Variants in ZC2HC1B observed in about 807,000 individuals in gnomAD.
ZC2HC1B encodes zinc finger C2HC-type containing 1B, also known as zinc finger C2HC domain-containing protein 1B.
A neutral mutation model predicts 31.0 loss-of-function variants in ZC2HC1B; 36 were observed. The observed-to-expected ratio is 1.16, with a 90% confidence interval of 0.89 to 1.54. ZC2HC1B has a LOEUF of 1.54. ZC2HC1B is among the 40% of genes most tolerant of loss of function. ZC2HC1B has a pLI of 0.00. For missense variants in ZC2HC1B, 260 were observed against 268.6 expected, an observed-to-expected ratio of 0.97 and a Z score of 0.22; for synonymous variants, 73 against 88.0, an observed-to-expected ratio of 0.83 and a Z score of 0.95.
intron 6 of ZC2HC1B, among the ~76,000 whole-genome samples, chr6:143,920,448 C>T (rs1777973890): frequency 6.6e-6 from 1 of 152,132 alleles, no homozygotes; most frequent in Admixed American, 6.5e-5. Context: ...AGTCCTGTGT[C>T]CTAGTATGTG....
At chr6:143,916,523 G>C (rs1443608659) in intron 6 of ZC2HC1B, among the ~76,000 whole-genome samples, 1 of 152,216 alleles carries the variant, frequency 6.6e-6, no homozygotes, top group Non-Finnish European at 1.5e-5. Flanking sequence ...AGTGTGCACT[G>C]TGCACCTGGA....
intron 1 of ZC2HC1B, among the ~76,000 whole-genome samples, chr6:143,874,334 C>T (rs1178899362): frequency 6.6e-6 from 1 of 152,208 alleles, no homozygotes; most frequent in African/African-American, 2.4e-5. Context: ...AGCTTTCCCA[C>T]ATTTTCCTGT....
Position 143,934,237 on chromosome 6 carries a change from T to G in ZC2HC1B, c.599-3412T>G, listed in dbSNP as rs1239236429. Among the ~76,000 whole-genome samples the G allele has an allele frequency of 6.6e-6, 1 of 152,220 alleles. No individual in the cohort carries two copies. The highest frequency in any genetic ancestry group is 1.5e-5 in the Non-Finnish European group (1 of 68,034). Reference sequence around the variant, plus strand: ...TGCAGAATTTGCAATAGCCTGCCACTTCTTTCAAAGGATCTGTGATTTCTT... The same window carrying G: ...TGCAGAATTTGCAATAGCCTGCCACGTCTTTCAAAGGATCTGTGATTTCTT... On this transcript the variant is annotated intron_variant, in intron 6 of 7. Coordinates refer to ENST00000237275, the MANE Select transcript of ZC2HC1B (RefSeq NM_001013623.3). The surrounding 1 kb of genome is among the most constrained non-coding windows in gnomAD (Gnocchi z 4.6).
chr6:143,886,947 G>A lies in ZC2HC1B; in HGVS notation c.349+126G>A. 2.0e-6 allele frequency: 2 copies of A among 1,002,300 alleles called. No homozygotes were observed. Among genetic ancestry groups the A allele is most frequent in the Non-Finnish European group, 2.7e-6 (2 of 740,162 alleles). 62.1% of individuals were successfully genotyped at this position (1,002,300 alleles called of 1,614,324 possible). On this transcript the variant is annotated intron_variant, in intron 4 of 7. Coordinates refer to ENST00000237275, the MANE Select transcript of ZC2HC1B (RefSeq NM_001013623.3). This position sits in a 1 kb window ranked among gnomAD's most constrained non-coding sequence, Gnocchi z 4.2. Reference sequence around the variant, plus strand: ...AAGTAATTTTATTAATTATATAAAAGTAAACATCCTATTTTTTTCAATTCT... The same window carrying A: ...AAGTAATTTTATTAATTATATAAAAATAAACATCCTATTTTTTTCAATTCT...
chr6:143,905,370 A>G lies in ZC2HC1B; in HGVS notation c.598+2218A>G, dbSNP rs1435766189. On this transcript the variant is annotated intron_variant, in intron 6 of 7. Coordinates refer to ENST00000237275, the MANE Select transcript of ZC2HC1B (RefSeq NM_001013623.3). The surrounding 1 kb of genome is among the most constrained non-coding windows in gnomAD (Gnocchi z 4.2). ...TAATTTTTTTTGATTGTTCATTGTC[A>G]GTATATAGAAACACAACTAATTTTC... Among the ~76,000 whole-genome samples, 1 of 152,120 alleles carries G rather than the reference A, an allele frequency of 6.6e-6. No individual in the cohort carries two copies. Among genetic ancestry groups the G allele is most frequent in the Non-Finnish European group, 1.5e-5 (1 of 68,026 alleles).
Position 143,903,195 on chromosome 6 carries a change from AGAG to A in ZC2HC1B, c.598+47_598+49del, listed in dbSNP as rs1777757084. 4.0e-6 allele frequency: 6 copies of A among 1,508,052 alleles called. No individual in the cohort carries two copies. The highest frequency in any genetic ancestry group is 5.4e-6 in the Non-Finnish European group (6 of 1,107,068). 93.4% of individuals were successfully genotyped at this position (1,508,052 alleles called of 1,614,324 possible). ...TTTCATCTCTCAAATGATGGGGGTC[AGAG>A]GAGATCACTGTTGGGTTTGGGATTC... On this transcript the variant is annotated intron_variant, in intron 6 of 7. Transcript: ENST00000237275. The surrounding 1 kb of genome is among the most constrained non-coding windows in gnomAD (Gnocchi z 4.3).
chr6:143,882,229 C>T (rs1434694184), intron 1 of ZC2HC1B, among the ~76,000 whole-genome samples: 1 of 150,570 alleles, frequency 6.6e-6, no homozygotes, highest in Non-Finnish European at 1.5e-5. Flanking sequence ...AATAGATTAT[C>T]CTTCACTAGT....
chr6:143,915,690 C>T lies in ZC2HC1B; in HGVS notation c.598+12538C>T, dbSNP rs1777908749. On this transcript the variant is annotated intron_variant, in intron 6 of 7. Coordinates refer to ENST00000237275, the MANE Select transcript of ZC2HC1B (RefSeq NM_001013623.3). This position sits in a 1 kb window ranked among gnomAD's most constrained non-coding sequence, Gnocchi z 5.2. The stretch of plus-strand genomic sequence containing the variant: ...TTGTTGGGAACTGGATCAAAGGTTC[C>T]TCTTGTTATGTTTTAGCAAAGAGAC... 6.6e-6 allele frequency among the ~76,000 whole-genome samples: 1 copy of T among 152,154 alleles called. No individual in the cohort carries two copies. Among genetic ancestry groups the T allele is most frequent in the Non-Finnish European group, 1.5e-5 (1 of 68,026 alleles).
At chr6:143,880,014 TGA>T (rs1355067511) in intron 1 of ZC2HC1B, among the ~76,000 whole-genome samples, 2 of 151,866 alleles carry the variant, frequency 1.3e-5, no homozygotes, top group African/African-American at 4.8e-5. Flanking sequence ...TTTGTAGAGA[TGA>T]GAGTCTCACT....
intron 6 of ZC2HC1B, among the ~76,000 whole-genome samples, chr6:143,930,481 G>T (rs1254538298): frequency 6.6e-6 from 1 of 150,614 alleles, no homozygotes; most frequent in East Asian, 1.9e-4. Flanking sequence ...CCGCCTCCTG[G>T]GTTCATGCCA....
intron 1 of ZC2HC1B, among the ~76,000 whole-genome samples, chr6:143,879,654 T>C (rs1468067001): frequency 6.6e-6 from 1 of 152,156 alleles, no homozygotes; most frequent in African/African-American, 2.4e-5. Context: ...AAAATGTGAA[T>C]AGCTTAGTTC....
rs190796646 is a variant in ZC2HC1B, at chr6:143,876,809, G to A, written c.29-7495G>A. 2.0e-3 allele frequency among the ~76,000 whole-genome samples: 297 copies of A among 150,440 alleles called. 16 individuals carry two copies. Among genetic ancestry groups the A allele is most frequent in the Non-Finnish European group, 3.0e-3 (203 of 67,586 alleles). On this transcript the variant is annotated intron_variant, in intron 1 of 7. Coordinates refer to ENST00000237275, the MANE Select transcript of ZC2HC1B (RefSeq NM_001013623.3). ...AGCACAGGAGAAAGGTGTAGGCTAG[G>A]AGGTTAGGCCAGTCTAGTTTTTTTC...
chr6:143,875,227 A>G (rs1777390846), intron 1 of ZC2HC1B, among the ~76,000 whole-genome samples: 3 of 152,204 alleles, frequency 2.0e-5, no homozygotes, highest in Admixed American at 2.0e-4. Context: ...AGGGATCTTC[A>G]GAGATGCAGG....
rs1777521573 is a variant in ZC2HC1B, at chr6:143,885,571, C to G, written c.91-461C>G. ...TTGTATTTTGTGGGGTCTGACAAAG[C>G]TACTGTGTCAATGATGGTTATTATG... On this transcript the variant is annotated intron_variant, in intron 2 of 7. Coordinates refer to ENST00000237275, the MANE Select transcript of ZC2HC1B (RefSeq NM_001013623.3). This position sits in a 1 kb window ranked among gnomAD's most constrained non-coding sequence, Gnocchi z 4.2. 6.6e-6 allele frequency among the ~76,000 whole-genome samples: 1 copy of G among 152,144 alleles called. No homozygotes were observed. The highest frequency in any genetic ancestry group is 1.5e-5 in the Non-Finnish European group (1 of 68,030).
rs1046570736 is a variant in ZC2HC1B at position 143,933,240 on chromosome 6, G to A, written c.599-4409G>A. Among the ~76,000 whole-genome samples the A allele has an allele frequency of 6.6e-6, 1 of 152,190 alleles. No individual in the cohort carries two copies. On this transcript the variant is annotated intron_variant, in intron 6 of 7. Coordinates refer to ENST00000237275, the MANE Select transcript of ZC2HC1B (RefSeq NM_001013623.3). This position sits in a 1 kb window ranked among gnomAD's most constrained non-coding sequence, Gnocchi z 6.4. Reference sequence around the variant, plus strand: ...CATTAGAGCAGGGTTGTTCTGTTATGAGTTGCTATAATGTTCTGAGTTGGT... The same window carrying A: ...CATTAGAGCAGGGTTGTTCTGTTATAAGTTGCTATAATGTTCTGAGTTGGT...
At chr6:143,931,577 C>A (rs1458519324) in intron 6 of ZC2HC1B, among the ~76,000 whole-genome samples, 9 of 152,190 alleles carry the variant, frequency 5.9e-5, no homozygotes, top group African/African-American at 2.2e-4. Flanking sequence ...ATCTCTCCTT[C>A]ATTTATGATG....
At position 143,915,380 on chromosome 6, in the gene ZC2HC1B, C is replaced by T. The variant is rs1316713437; in HGVS notation, c.598+12228C>T. Among the ~76,000 whole-genome samples, 1 of 152,162 alleles carries T rather than the reference C, an allele frequency of 6.6e-6. No individual in the cohort carries two copies. Among genetic ancestry groups the T allele is most frequent in the Non-Finnish European group, 1.5e-5 (1 of 68,036 alleles). ...AAACTTCTTTCTTTTGTAAATTGCC[C>T]AGCCTTGGGTATGTCTTTTTCGGCA... On this transcript the variant is annotated intron_variant, in intron 6 of 7. Coordinates refer to ENST00000237275, the MANE Select transcript of ZC2HC1B (RefSeq NM_001013623.3). This position sits in a 1 kb window ranked among gnomAD's most constrained non-coding sequence, Gnocchi z 5.2.
chr6:143,927,273 T>G (rs184981276), intron 6 of ZC2HC1B, among the ~76,000 whole-genome samples: 28 of 152,238 alleles, frequency 1.8e-4, no homozygotes, highest in African/African-American at 6.3e-4. Flanking sequence ...TTGTACCCAT[T>G]AGGTAATTTT....
chr6:143,865,919 G>A lies in ZC2HC1B; in HGVS notation c.28+1352G>A, dbSNP rs949386128. Among the ~76,000 whole-genome samples, 8 of 152,158 alleles carry A rather than the reference G, an allele frequency of 5.3e-5. No homozygotes were observed. Among genetic ancestry groups the A allele is most frequent in the African/African-American group, 1.9e-4 (8 of 41,440 alleles). ...CAACCTCCAACTCCCGGGTTCAGGC[G>A]ATTCCCCTGCCTCAGCCTCCCGAGT... On this transcript the variant is annotated intron_variant, in intron 1 of 7. Coordinates refer to ENST00000237275, the MANE Select transcript of ZC2HC1B (RefSeq NM_001013623.3). This position sits in a 1 kb window ranked among gnomAD's most constrained non-coding sequence, Gnocchi z 4.4.
Sources: gnomAD v4.1 joint callset for allele counts (sites outside exome capture counted in the v4.1 genomes callset) on GRCh38, gnomAD v4.1.1 for gene constraint, Gnocchi (gnomAD v3.1) non-coding constraint, MANE v1.5 for transcripts, NCBI Gene and HGNC (gene_info 2026-07-23, HGNC 2026-07-21) for gene names.